H2AC16: variants seen among roughly 807,000 people sequenced by gnomAD.
H2AC16 encodes H2A clustered histone 16.
A neutral mutation model predicts 6.6 loss-of-function variants in H2AC16; 11 were observed. The observed-to-expected ratio is 1.67, with a 90% CI of 1.05 to 2.77. The LOEUF is 2.77. Ranked by LOEUF, H2AC16 falls within the 30% of genes most tolerant of loss-of-function variation. H2AC16 has a pLI of 0.00. For synonymous variants in H2AC16, 131 were observed against 80.8 expected (o/e 1.62, Z -3.33); for missense variants, 212 against 177.1 (o/e 1.20, Z -1.12).
At position 27,865,686 on chromosome 6, in the gene H2AC16, A is replaced by G. The variant is rs144728921; in HGVS notation, c.332A>G (p.Asn111Ser). 844 of 1,614,252 alleles carry G rather than the reference A, an allele frequency of 5.2e-4. 11 individuals carry two copies. In the Admixed American group the frequency reaches 0.014, roughly 26 times the overall value. Reference protein sequence around the residue: ...VTIAQGGVLPNIQAVLLPKKT... With the variant: ...VTIAQGGVLPSIQAVLLPKKT... ...ATCGCTCAGGGTGGTGTCCTGCCCA[A>G]CATCCAGGCTGTGCTACTGCCCAAG... The change falls in exon 1 of 1, where the codon AAC (asparagine) becomes AGC (serine). Residue 111 changes from asparagine to serine, a missense_variant. By Grantham distance (46) the Asn-to-Ser change is conservative. Transcript: ENST00000613174.
chr6:27,865,735 C>T lies in H2AC16; in HGVS notation c.381C>T (p.Ala127=), dbSNP rs778075472. ...LPKKTESHHK[A]KGK ...AGAAGACCGAGAGTCACCACAAGGCCAAAGGCAAATAATGTCTCCATAGAA... is the reference window on the plus strand; with the variant it reads ...AGAAGACCGAGAGTCACCACAAGGCTAAAGGCAAATAATGTCTCCATAGAA... Residue 127 remains alanine, a synonymous_variant, in exon 1 of 1, where the codon GCC becomes GCT. Coordinates refer to ENST00000613174, the MANE Select transcript of H2AC16 (RefSeq NM_003511.3). The T allele has an allele frequency of 2.0e-5, 33 of 1,613,956 alleles. No individual in the cohort carries two copies. Among genetic ancestry groups the T allele is most frequent in the Non-Finnish European group, 2.6e-5 (31 of 1,179,926 alleles).
chr6:27,865,722 G>C lies in H2AC16; in HGVS notation c.368G>C (p.Ser123Thr). ...GTGCTACTGCCCAAGAAGACCGAGA[G>C]TCACCACAAGGCCAAAGGCAAATAA... is the stretch of plus-strand genomic sequence containing the variant. Reference protein sequence around the residue: ...QAVLLPKKTESHHKAKGK With the variant: ...QAVLLPKKTETHHKAKGK The change falls in exon 1 of 1, where the codon AGT becomes ACT. Residue 123 changes from serine (S) to threonine (T), a missense_variant. Ser to Thr is a moderately conservative substitution (Grantham distance 58). Coordinates refer to ENST00000613174, the MANE Select transcript of H2AC16 (RefSeq NM_003511.3). The C allele has an allele frequency of 6.2e-7, 1 of 1,614,156 alleles. No homozygotes were observed. The highest frequency in any genetic ancestry group is 8.5e-7 in the Non-Finnish European group (1 of 1,180,016).
At position 27,865,699 on chromosome 6, in the gene H2AC16, G is replaced by A. The variant is rs138346783; in HGVS notation, c.345G>A (p.Val115=). The change falls in exon 1 of 1, where the codon GTG becomes GTA. Residue 115 remains valine, a synonymous_variant. Coordinates refer to ENST00000613174, the MANE Select transcript of H2AC16 (RefSeq NM_003511.3). ...GTGTCCTGCCCAACATCCAGGCTGT[G>A]CTACTGCCCAAGAAGACCGAGAGTC... ...QGGVLPNIQA[V]LLPKKTESHH... The A allele has an allele frequency of 1.2e-6, 2 of 1,614,236 alleles. No homozygotes were observed. The highest frequency in any genetic ancestry group is 8.5e-7 in the Non-Finnish European group (1 of 1,180,046).
In H2AC16 at chr6:27,865,385, G is replaced by A; in HGVS notation, c.31G>A (p.Ala11Thr). 1 of 1,610,918 alleles carries A rather than the reference G, an allele frequency of 6.2e-7. No homozygotes were observed. Reference protein sequence around the residue: MSGRGKQGGKARAKAKTRSSR... With the variant: MSGRGKQGGKTRAKAKTRSSR... Reference sequence around the variant, plus strand: ...GGGACGCGGCAAGCAGGGAGGCAAAGCTCGCGCCAAAGCCAAGACCCGCTC... The same window carrying A: ...GGGACGCGGCAAGCAGGGAGGCAAAACTCGCGCCAAAGCCAAGACCCGCTC... The change falls in exon 1 of 1, where the codon GCT becomes ACT. Residue 11 changes from alanine to threonine, a missense_variant. By Grantham distance (58) the Ala-to-Thr change is moderately conservative. Coordinates refer to ENST00000613174, the MANE Select transcript of H2AC16 (RefSeq NM_003511.3).
At position 27,865,657 on chromosome 6, in the gene H2AC16, A is replaced by G. The variant is rs142186318; in HGVS notation, c.303A>G (p.Val101=). The change falls in exon 1 of 1, where the codon GTA becomes GTG. Residue 101 remains valine (V), a synonymous_variant. Coordinates refer to ENST00000613174, the MANE Select transcript of H2AC16 (RefSeq NM_003511.3). ...AGCTCAACAAGCTGCTGGGCAAAGT[A>G]ACCATCGCTCAGGGTGGTGTCCTGC... ...DEELNKLLGK[V]TIAQGGVLPN... is the part of the protein sequence containing the mutation. 1 of 1,614,238 alleles carries G rather than the reference A, an allele frequency of 6.2e-7. No individual in the cohort carries two copies.
rs1223474855 is a variant in H2AC16 at position 27,865,618 on chromosome 6, C to G, written c.264C>G (p.Ile88Met). ...RIIPRHLQLAIRNDEELNKLL... is the reference protein window; with the variant it reads ...RIIPRHLQLAMRNDEELNKLL... ...TCCCGCGCCACTTGCAGCTGGCCAT[C>G]CGCAACGACGAGGAGCTCAACAAGC... The change falls in exon 1 of 1, where the codon ATC becomes ATG. Residue 88 changes from isoleucine to methionine, a missense_variant. Coordinates refer to ENST00000613174, the MANE Select transcript of H2AC16 (RefSeq NM_003511.3). 6.2e-7 allele frequency: 1 copy of G among 1,614,126 alleles called. No individual in the cohort carries two copies. The highest frequency in any genetic ancestry group is 1.7e-5 in the Admixed American group (1 of 60,016).
rs1306405219 is a variant in H2AC16 at position 27,865,711 on chromosome 6, G to T, written c.357G>T (p.Lys119Asn). ...LPNIQAVLLP[K>N]KTESHHKAKG... ...ACATCCAGGCTGTGCTACTGCCCAA[G>T]AAGACCGAGAGTCACCACAAGGCCA... Residue 119 changes from lysine (K) to asparagine (N), a missense_variant, in exon 1 of 1, where the codon AAG (lysine) becomes AAT (asparagine). Physicochemically the swap from Lys to Asn is moderately conservative, Grantham distance 94. Transcript: ENST00000613174. The T allele has an allele frequency of 6.2e-7, 1 of 1,614,224 alleles. No homozygotes were observed. The highest frequency in any genetic ancestry group is 8.5e-7 in the Non-Finnish European group (1 of 1,180,030).
Position 27,865,365 on chromosome 6 carries a change from G to T in H2AC16, c.11G>T (p.Arg4Leu). 1 of 1,605,584 alleles carries T rather than the reference G, an allele frequency of 6.2e-7. No individual in the cohort carries two copies. Among genetic ancestry groups the T allele is most frequent in the Non-Finnish European group, 8.5e-7 (1 of 1,174,336 alleles). ...TATCGTTTCTTCGTCATGTCGGGACGCGGCAAGCAGGGAGGCAAAGCTCGC... is the reference window on the plus strand; with the variant it reads ...TATCGTTTCTTCGTCATGTCGGGACTCGGCAAGCAGGGAGGCAAAGCTCGC... MSG[R>L]GKQGGKARAK... The change falls in exon 1 of 1, where the codon CGC (arginine) becomes CTC (leucine). Residue 4 changes from arginine (R) to leucine (L), a missense_variant. Physicochemically the swap from Arg to Leu is moderately radical, Grantham distance 102. Transcript: ENST00000613174.
At position 27,865,333 on chromosome 6, in the gene H2AC16, C is replaced by G. The variant is rs201897403; in HGVS notation, c.-22C>G. 2.5e-6 allele frequency: 4 copies of G among 1,589,568 alleles called. No homozygotes were observed. The highest frequency in any genetic ancestry group is 3.4e-6 in the Non-Finnish European group (4 of 1,166,030). On this transcript the variant is annotated 5_prime_UTR_variant, in exon 1 of 1. Transcript: ENST00000613174. ...AACTTCTCTCGGCTGTTCTCAGTTC[C>G]TCCATTTATCGTTTCTTCGTCATGT...
Position 27,865,515 on chromosome 6 carries a change from C to T in H2AC16, c.161C>T (p.Ala54Val), listed in dbSNP as rs141399242. 4.6e-5 allele frequency: 74 copies of T among 1,613,984 alleles called. No individual in the cohort carries two copies. The Admixed American group carries it at 4.7e-4, about 10-fold the overall frequency. Residue 54 changes from alanine to valine, a missense_variant, in exon 1 of 1, where the codon GCG becomes GTG. By Grantham distance (64) the Ala-to-Val change is moderately conservative. Transcript: ENST00000613174. ...VGAGAPVYLAAVLEYLTAEIL... is the reference protein window; with the variant it reads ...VGAGAPVYLAVVLEYLTAEIL... ...GCCGGCGCGCCGGTGTACCTGGCGG[C>T]GGTGCTGGAGTACCTGACTGCCGAG...
At position 27,865,589 on chromosome 6, in the gene H2AC16, A is replaced by G; in HGVS notation, c.235A>G (p.Ile79Val). The change falls in exon 1 of 1, where the codon ATT becomes GTT. Residue 79 changes from isoleucine (I) to valine (V), a missense_variant. Transcript: ENST00000613174. ...NAARDNKKTR[I>V]IPRHLQLAIR... ...CGCCCGCGACAACAAGAAGACCCGCATTATCCCGCGCCACTTGCAGCTGGC... is the reference window on the plus strand; with the variant it reads ...CGCCCGCGACAACAAGAAGACCCGCGTTATCCCGCGCCACTTGCAGCTGGC... The G allele has an allele frequency of 6.2e-7, 1 of 1,614,200 alleles. No individual in the cohort carries two copies. The highest frequency in any genetic ancestry group is 1.7e-5 in the Admixed American group (1 of 60,036).
rs1761480627 is a variant in H2AC16, at chr6:27,865,519, G to A, written c.165G>A (p.Val55=). The A allele has an allele frequency of 6.2e-7, 1 of 1,614,072 alleles. No homozygotes were observed. The highest frequency in any genetic ancestry group is 1.7e-5 in the Admixed American group (1 of 60,016). ...GCGCGCCGGTGTACCTGGCGGCGGT[G>A]CTGGAGTACCTGACTGCCGAGATCC... is the stretch of plus-strand genomic sequence containing the variant. ...GAGAPVYLAA[V]LEYLTAEILE... is the part of the protein sequence containing the mutation. The change falls in exon 1 of 1, where the codon GTG becomes GTA. Residue 55 remains valine (V), a synonymous_variant. Coordinates refer to ENST00000613174, the MANE Select transcript of H2AC16 (RefSeq NM_003511.3).
chr6:27,865,460 C>T lies in H2AC16; in HGVS notation c.106C>T (p.Arg36Cys), dbSNP rs576189710. The stretch of plus-strand genomic sequence containing the variant: ...CGTGGGCCGAGTGCACCGACTGCTC[C>T]GCAAGGGCAACTATGCTGAGCGGGT... ...FPVGRVHRLL[R>C]KGNYAERVGA... The change falls in exon 1 of 1, where the codon CGC becomes TGC. Residue 36 changes from arginine (R) to cysteine (C), a missense_variant. Coordinates refer to ENST00000613174, the MANE Select transcript of H2AC16 (RefSeq NM_003511.3). 133 of 1,614,042 alleles carry T rather than the reference C, an allele frequency of 8.2e-5. 2 individuals carry two copies. In the South Asian group the frequency reaches 1.3e-3, roughly 15 times the overall value.
At position 27,865,758 on chromosome 6, in the gene H2AC16, G is replaced by A. The variant is rs1761488413; in HGVS notation, c.*11G>A. The A allele has an allele frequency of 1.2e-6, 2 of 1,611,892 alleles. No individual in the cohort carries two copies. The highest frequency in any genetic ancestry group is 2.2e-5 in the East Asian group (1 of 44,816). On this transcript the variant is annotated 3_prime_UTR_variant, in exon 1 of 1. Transcript: ENST00000613174. ...GCCAAAGGCAAATAATGTCTCCATA[G>A]AATCACTTTCCAATACAACGGCTCT...
At position 27,865,360 on chromosome 6, in the gene H2AC16, G is replaced by C. The variant is rs58854344; in HGVS notation, c.6G>C (p.Ser2=). 149 of 1,604,772 alleles carry C rather than the reference G, an allele frequency of 9.3e-5. No individual in the cohort carries two copies. In the African/African-American group the frequency reaches 1.8e-3, roughly 20 times the overall value. ...CCATTTATCGTTTCTTCGTCATGTC[G>C]GGACGCGGCAAGCAGGGAGGCAAAG... M[S]GRGKQGGKAR... is the part of the protein sequence containing the mutation. Residue 2 remains serine (S), a synonymous_variant, in exon 1 of 1, where the codon TCG becomes TCC. Coordinates refer to ENST00000613174, the MANE Select transcript of H2AC16 (RefSeq NM_003511.3).
Position 27,865,461 on chromosome 6 carries a change from G to A in H2AC16, c.107G>A (p.Arg36His), listed in dbSNP as rs750894974. The A allele has an allele frequency of 1.9e-6, 3 of 1,614,048 alleles. No homozygotes were observed. The highest frequency in any genetic ancestry group is 4.5e-5 in the East Asian group (2 of 44,868). Residue 36 changes from arginine (R) to histidine (H), a missense_variant, in exon 1 of 1, where the codon CGC (arginine) becomes CAC (histidine). Physicochemically the swap from Arg to His is conservative, Grantham distance 29 (BLOSUM62 0). Coordinates refer to ENST00000613174, the MANE Select transcript of H2AC16 (RefSeq NM_003511.3). ...GTGGGCCGAGTGCACCGACTGCTCC[G>A]CAAGGGCAACTATGCTGAGCGGGTC... ...FPVGRVHRLL[R>H]KGNYAERVGA...
chr6:27,865,399 C>T lies in H2AC16; in HGVS notation c.45C>T (p.Ala15=), dbSNP rs752182301. Residue 15 remains alanine, a synonymous_variant, in exon 1 of 1, where the codon GCC becomes GCT. Transcript: ENST00000613174. ...GKQGGKARAK[A]KTRSSRAGLQ... Reference sequence around the variant, plus strand: ...AGGGAGGCAAAGCTCGCGCCAAAGCCAAGACCCGCTCTTCTCGTGCCGGTC... The same window carrying T: ...AGGGAGGCAAAGCTCGCGCCAAAGCTAAGACCCGCTCTTCTCGTGCCGGTC... 6 of 1,613,178 alleles carry T rather than the reference C, an allele frequency of 3.7e-6. No homozygotes were observed. Among genetic ancestry groups the T allele is most frequent in the African/African-American group, 2.7e-5 (2 of 75,012 alleles).
chr6:27,865,774 C>A lies in H2AC16; in HGVS notation c.*27C>A. ...GTCTCCATAGAATCACTTTCCAATA[C>A]AACGGCTCTTTTCAGAGCCACCTAC... On this transcript the variant is annotated 3_prime_UTR_variant, in exon 1 of 1. Transcript: ENST00000613174. The A allele has an allele frequency of 6.2e-7, 1 of 1,606,462 alleles. No homozygotes were observed. The highest frequency in any genetic ancestry group is 8.5e-7 in the Non-Finnish European group (1 of 1,174,264).
Position 27,865,516 on chromosome 6 carries a change from G to A in H2AC16, c.162G>A (p.Ala54=). Reference sequence around the variant, plus strand: ...CCGGCGCGCCGGTGTACCTGGCGGCGGTGCTGGAGTACCTGACTGCCGAGA... The same window carrying A: ...CCGGCGCGCCGGTGTACCTGGCGGCAGTGCTGGAGTACCTGACTGCCGAGA... ...VGAGAPVYLA[A]VLEYLTAEIL... is the part of the protein sequence containing the mutation. Residue 54 remains alanine (A), a synonymous_variant, in exon 1 of 1, where the codon GCG becomes GCA. Transcript: ENST00000613174. 6.2e-7 allele frequency: 1 copy of A among 1,614,112 alleles called. No individual in the cohort carries two copies. Among genetic ancestry groups the A allele is most frequent in the African/African-American group, 1.3e-5 (1 of 75,046 alleles).
Sources: gnomAD v4.1 joint callset for allele counts on GRCh38, gnomAD v4.1.1 for gene constraint, MANE v1.5 for transcripts, NCBI Gene and HGNC (gene_info 2026-07-23, HGNC 2026-07-21) for gene names.